The following TRHR variants were observed in gnomAD, a reference collection of about 807,000 sequenced individuals.
TRHR encodes the protein thyrotropin releasing hormone receptor.
In TRHR, 14 loss-of-function variants were observed where a neutral mutation model predicts 28.0. That is an observed-to-expected ratio of 0.50 (90% CI 0.33 to 0.78). TRHR has a LOEUF of 0.78. Among genes scored for constraint, TRHR ranks in the 30% least tolerant of loss-of-function variants. TRHR has a pLI of 0.02. For synonymous variants in TRHR, 176 were observed against 171.9 expected, an observed-to-expected ratio of 1.02 and a Z score of -0.18; for missense variants, 438 against 469.5, an observed-to-expected ratio of 0.93 and a Z score of 0.62.
At chr8:109,112,505 T>C (rs1811850418) in intron 2 of TRHR, among the ~76,000 whole-genome samples, 1 of 152,222 alleles carries the variant, frequency 6.6e-6, no homozygotes, top group African/African-American at 2.4e-5. Flanking sequence ...TTTTGCATTT[T>C]TAATTTTCCT....
intron 2 of TRHR, among the ~76,000 whole-genome samples, chr8:109,112,535 A>AT (rs1365722017): frequency 6.6e-6 from 1 of 152,198 alleles, no homozygotes; most frequent in Non-Finnish European, 1.5e-5. Flanking sequence ...CCCAGGAAAT[A>AT]GATGAGTATG....
chr8:109,114,456 T>G (rs958582602), intron 2 of TRHR, among the ~76,000 whole-genome samples: 1 of 152,076 alleles, frequency 6.6e-6, no homozygotes, highest in Non-Finnish European at 1.5e-5. Context: ...TGTATCTCTC[T>G]TTCTGTAGGG....
chr8:109,094,153 G>A (rs1021003593), intron 2 of TRHR, among the ~76,000 whole-genome samples: 10 of 152,052 alleles, frequency 6.6e-5, no homozygotes, highest in African/African-American at 2.2e-4. Context: ...AGCTCACAAG[G>A]CAAATTAATG....
At chr8:109,108,587 A>C (rs1811785511) in intron 2 of TRHR, among the ~76,000 whole-genome samples, 1 of 152,320 alleles carries the variant, frequency 6.6e-6, no homozygotes, top group Non-Finnish European at 1.5e-5. Flanking sequence ...TAAGAAAATT[A>C]AAGCAAGCTA....
intron 2 of TRHR, among the ~76,000 whole-genome samples, chr8:109,117,578 TC>T (rs1374332521): frequency 3.3e-5 from 5 of 151,788 alleles, no homozygotes; most frequent in African/African-American, 1.2e-4. Flanking sequence ...TGATCTGATT[TC>T]AGAGTGCCTG....
At position 109,091,793 on chromosome 8, in the gene TRHR, C is replaced by T. The variant is rs535061180; in HGVS notation, c.789+3492C>T. Among the ~76,000 whole-genome samples, 6 of 152,254 alleles carry T rather than the reference C, an allele frequency of 3.9e-5. No individual in the cohort carries two copies. In the South Asian group the frequency reaches 6.2e-4, roughly 16 times the overall value. ...AATTCCGTAAGATAAATTACCCAAA[C>T]TTATGGCTTGGAATTGTGTAAACTA... is the stretch of plus-strand genomic sequence containing the variant. On this transcript the variant is annotated intron_variant, in intron 2 of 2. Transcript: ENST00000518632.
In TRHR at chr8:109,117,503, G is replaced by A. The variant is rs116760925; in HGVS notation, c.790-1545G>A. On this transcript the variant is annotated intron_variant, in intron 2 of 2. Coordinates refer to ENST00000518632, the MANE Select transcript of TRHR (RefSeq NM_003301.7). The stretch of plus-strand genomic sequence containing the variant: ...TAGATCTAATTGTAAATTAAACTAG[G>A]TATTTCAATGTAGGATGCTTTACCC... 3.2e-3 allele frequency among the ~76,000 whole-genome samples: 484 copies of A among 151,870 alleles called. 3 individuals are homozygous for A. Among genetic ancestry groups the A allele is most frequent in the African/African-American group, 0.011 (449 of 41,458 alleles).
intron 2 of TRHR, among the ~76,000 whole-genome samples, chr8:109,110,819 C>G (rs1811821127): frequency 6.6e-6 from 1 of 152,130 alleles, no homozygotes; most frequent in African/African-American, 2.4e-5. Context: ...TGATCTCACT[C>G]CATGATATGA....
At position 109,119,472 on chromosome 8, in the gene TRHR, A is replaced by C; in HGVS notation, c.*17A>C. 1 of 1,610,470 alleles carries C rather than the reference A, an allele frequency of 6.2e-7. No individual in the cohort carries two copies. Among genetic ancestry groups the C allele is most frequent in the South Asian group, 1.1e-5 (1 of 91,020 alleles). On this transcript the variant is annotated 3_prime_UTR_variant, in exon 3 of 3. Transcript: ENST00000518632. ...CAAAGTTGATTCATGAATTAGAAGAAAATGGATGACAAAGAAAATGAGAAT... is the reference window on the plus strand; with the variant it reads ...CAAAGTTGATTCATGAATTAGAAGACAATGGATGACAAAGAAAATGAGAAT...
intron 2 of TRHR, among the ~76,000 whole-genome samples, chr8:109,105,210 A>C (rs1811731501): frequency 6.6e-6 from 1 of 152,176 alleles, no homozygotes; most frequent in Non-Finnish European, 1.5e-5. Context: ...AGTGATATTA[A>C]GTTCATGGTC....
intron 2 of TRHR, among the ~76,000 whole-genome samples, chr8:109,110,429 T>C (rs1586193673): frequency 6.6e-6 from 1 of 152,020 alleles, no homozygotes; most frequent in East Asian, 1.9e-4. Flanking sequence ...TTTTTTTCTT[T>C]AGCCCTTCTT....
At chr8:109,101,197 G>A (rs537913571) in intron 2 of TRHR, among the ~76,000 whole-genome samples, 5 of 152,268 alleles carry the variant, frequency 3.3e-5, no homozygotes, top group South Asian at 4.2e-4. Flanking sequence ...GGCAAGATAC[G>A]AATCAATCTG....
At chr8:109,087,136 GT>G (rs1165382584) in intron 1 of TRHR, among the ~76,000 whole-genome samples, 1 of 151,728 alleles carries the variant, frequency 6.6e-6, no homozygotes. Flanking sequence ...CAGATATTTA[GT>G]TTTTTTCAAC....
intron 1 of TRHR, 27 bp from the exon 2 acceptor site, chr8:109,087,398 A>G: frequency 9.0e-7 from 1 of 1,107,920 alleles, no homozygotes; most frequent in Non-Finnish European, 1.3e-6. Flanking sequence ...AACACTGTTA[A>G]TGAATATGTA....
chr8:109,092,423 T>TA (rs1491515242), intron 2 of TRHR, among the ~76,000 whole-genome samples: 9 of 150,356 alleles, frequency 6.0e-5, no homozygotes, highest in East Asian at 1.9e-4. Flanking sequence ...TATTTATTTA[T>TA]TTTTATTTTA....
In TRHR at chr8:109,099,859, C is replaced by T. The variant is rs117714540; in HGVS notation, c.789+11558C>T. On this transcript the variant is annotated intron_variant, in intron 2 of 2. Transcript: ENST00000518632. ...CATCCTATGCCTCTCCATTCTGGGC[C>T]TTTGTTGTTTGAGTTTTATGAGGAT... Among the ~76,000 whole-genome samples, 1,502 of 152,158 alleles carry T rather than the reference C, an allele frequency of 9.9e-3. 14 individuals carry two copies. Among genetic ancestry groups the T allele is most frequent in the Non-Finnish European group, 0.014 (929 of 68,008 alleles).
intron 2 of TRHR, among the ~76,000 whole-genome samples, chr8:109,111,780 T>A (rs1351391246): frequency 6.6e-6 from 1 of 151,438 alleles, no homozygotes; most frequent in African/African-American, 2.5e-5. Context: ...AAGTGAAGGT[T>A]TTTTGTTGAT....
chr8:109,087,309 C>G (rs185091655), intron 1 of TRHR, 116 bp from the exon 2 acceptor site: 6 of 642,796 alleles, frequency 9.3e-6, no homozygotes, highest in East Asian at 2.7e-5. Flanking sequence ...TACACATGAG[C>G]CCTATTCCCA....
At chr8:109,114,649 T>C (rs761744677) in intron 2 of TRHR, among the ~76,000 whole-genome samples, 2 of 152,084 alleles carry the variant, frequency 1.3e-5, no homozygotes, top group African/African-American at 4.8e-5. Flanking sequence ...ATACCCACTG[T>C]TACACTTCCA....
Sources: gnomAD v4.1 joint callset for allele counts (sites outside exome capture counted in the v4.1 genomes callset) on GRCh38, gnomAD v4.1.1 for gene constraint, MANE v1.5 for transcripts, NCBI Gene and HGNC (gene_info 2026-07-23, HGNC 2026-07-21) for gene names.